Variants in EXTL3 observed in about 807,000 individuals in gnomAD.
EXTL3 encodes the protein exostosin-like 3.
EXTL3 carries 27 observed loss-of-function variants against 69.3 expected under a neutral mutation model. The ratio of observed to expected loss-of-function variants is 0.39; its 90% CI spans 0.29 to 0.54. The LOEUF is 0.54. EXTL3 is among the 20% of genes least tolerant of loss of function. The pLI is 0.69. For synonymous variants in EXTL3, 511 were observed against 499.4 expected, an observed-to-expected ratio of 1.02 and a Z score of -0.31; for missense variants, 1,003 against 1,231.8, an observed-to-expected ratio of 0.81 and a Z score of 2.78.
At chr8:28,657,488 AT>A (rs916327039) in intron 1 of EXTL3, among the ~76,000 whole-genome samples, 4 of 152,114 alleles carry the variant, frequency 2.6e-5, no homozygotes, top group Non-Finnish European at 5.9e-5. Flanking sequence ...TTATGGGAAC[AT>A]TTTTTTTATT....
At chr8:28,673,674 T>C (rs1053980158) in intron 1 of EXTL3, among the ~76,000 whole-genome samples, 1 of 152,188 alleles carries the variant, frequency 6.6e-6, no homozygotes, top group Non-Finnish European at 1.5e-5. Context: ...TCATTGTGTC[T>C]TTGAGAGTGT....
At chr8:28,639,089 C>T (rs1347437574) in intron 1 of EXTL3, among the ~76,000 whole-genome samples, 5 of 151,958 alleles carry the variant, frequency 3.3e-5, no homozygotes, top group African/African-American at 1.2e-4. Flanking sequence ...AGGCGCCCAC[C>T]ACCACACCTG....
intron 1 of EXTL3, among the ~76,000 whole-genome samples, chr8:28,686,347 A>AG (rs200210170): frequency 0.013 from 1,965 of 151,552 alleles, 48 homozygotes; most frequent in African/African-American, 0.045. Flanking sequence ...AAAAAAAAAA[A>AG]GAAAAGAAAA....
chr8:28,755,811 T>A (rs1436550716), downstream of EXTL3, among the ~76,000 whole-genome samples: 2 of 152,212 alleles, frequency 1.3e-5, no homozygotes, highest in Non-Finnish European at 2.9e-5. Flanking sequence ...GCATTGAAAC[T>A]ACTTACATTC....
chr8:28,642,099 T>G (rs1463010921), intron 1 of EXTL3, among the ~76,000 whole-genome samples: 3 of 151,852 alleles, frequency 2.0e-5, no homozygotes, highest in Admixed American at 2.0e-4. Flanking sequence ...CCTCCCAAAG[T>G]GCTGGGATTA....
chr8:28,743,422 C>T (rs546255200), intron 6 of EXTL3, among the ~76,000 whole-genome samples: 35 of 152,250 alleles, frequency 2.3e-4, no homozygotes, highest in African/African-American at 8.2e-4. Context: ...GGATAGAAAT[C>T]AGAAGGTTTG....
At chr8:28,715,241 T>C (rs1469852156) in intron 2 of EXTL3, among the ~76,000 whole-genome samples, 3 of 152,198 alleles carry the variant, frequency 2.0e-5, no homozygotes, top group Non-Finnish European at 2.9e-5. Flanking sequence ...GATGCCCAGG[T>C]GTGGAACAGG....
At chr8:28,677,297 T>TC in intron 1 of EXTL3, among the ~76,000 whole-genome samples, 1 of 152,212 alleles carries the variant, frequency 6.6e-6, no homozygotes, top group East Asian at 1.9e-4. Context: ...CCTTTTATTA[T>TC]TTTTTTAAAA....
intron 3 of EXTL3, 49 bp from the exon 4 acceptor site, chr8:28,731,174 C>T (rs1801530212): frequency 1.2e-6 from 2 of 1,613,486 alleles, no homozygotes; most frequent in East Asian, 4.5e-5. Flanking sequence ...TTTGTTTGGC[C>T]TTTCATAACA....
chr8:28,717,577 G>T lies in EXTL3; in HGVS notation c.1518G>T (p.Leu506=). The T allele has an allele frequency of 6.2e-7, 1 of 1,614,262 alleles. No individual in the cohort carries two copies. Among genetic ancestry groups the T allele is most frequent in the Non-Finnish European group, 8.5e-7 (1 of 1,180,046 alleles). The part of the protein sequence containing the change: ...LLRSLSDSDL[L]AMRRQGRFLW... ...GAAGCCTCTCCGATAGTGACCTCCT[G>T]GCTATGAGGCGGCAAGGCCGCTTTC... The change falls in exon 3 of 7, where the codon CTG becomes CTT. Residue 506 remains leucine (L), a synonymous_variant. Transcript: ENST00000220562. The surrounding 1 kb of genome is among the most constrained non-coding windows in gnomAD (Gnocchi z 8.3).
chr8:28,643,453 C>T (rs138683938), intron 1 of EXTL3, among the ~76,000 whole-genome samples: 125 of 145,880 alleles, frequency 8.6e-4, no homozygotes, highest in African/African-American at 2.8e-3. Context: ...CTCGCTCTTT[C>T]GCCCAGGCCG....
At chr8:28,622,469 A>T (rs1585217864), upstream of EXTL3, among the ~76,000 whole-genome samples, 1 of 151,202 alleles carries the variant, frequency 6.6e-6, no homozygotes, top group Admixed American at 6.6e-5. Context: ...ACAGTCTTGA[A>T]CCCAGCTGCG....
chr8:28,673,220 G>A (rs966396453), intron 1 of EXTL3, among the ~76,000 whole-genome samples: 1 of 152,140 alleles, frequency 6.6e-6, no homozygotes, highest in African/African-American at 2.4e-5. Context: ...TCACTGTGTG[G>A]TTGCTCAGTT....
chr8:28,666,269 C>T (rs1373383439), intron 1 of EXTL3, among the ~76,000 whole-genome samples: 5 of 150,866 alleles, frequency 3.3e-5, no homozygotes, highest in African/African-American at 1.2e-4. Context: ...CTTTTCTTTT[C>T]CTTCCTTCCT....
intron 1 of EXTL3, among the ~76,000 whole-genome samples, chr8:28,631,115 A>G (rs1806565095): frequency 1.3e-5 from 2 of 151,682 alleles, no homozygotes; most frequent in Admixed American, 1.3e-4. Context: ...TAGTAAGAGA[A>G]AGTACACAGA....
chr8:28,729,595 C>CAAAAAAA (rs567929424), intron 3 of EXTL3, among the ~76,000 whole-genome samples: 3 of 33,236 alleles, frequency 9.0e-5, no homozygotes, highest in East Asian at 1.4e-3. Context: ...GACTCCATCT[C>CAAAAAAA]AAAAAAAAAA....
chr8:28,644,029 G>T (rs776461306), intron 1 of EXTL3, among the ~76,000 whole-genome samples: 1 of 152,046 alleles, frequency 6.6e-6, no homozygotes, highest in Non-Finnish European at 1.5e-5. Flanking sequence ...TTCCCAAAAT[G>T]CTGGGATTAT....
At chr8:28,689,023 C>T (rs992894661) in intron 1 of EXTL3, among the ~76,000 whole-genome samples, 1 of 152,226 alleles carries the variant, frequency 6.6e-6, no homozygotes, top group African/African-American at 2.4e-5. Flanking sequence ...CTGTGAATTC[C>T]TGGAAGCTCT....
intron 1 of EXTL3, among the ~76,000 whole-genome samples, chr8:28,691,169 C>G (rs149348879): frequency 6.6e-6 from 1 of 152,114 alleles, no homozygotes; most frequent in Non-Finnish European, 1.5e-5. Context: ...AAAAAGCTGC[C>G]GTTGACCACC....
Sources: allele counts gnomAD v4.1 joint callset (sites outside exome capture counted in the v4.1 genomes callset), GRCh38; gene constraint gnomAD v4.1.1; non-coding constraint Gnocchi (gnomAD v3.1); transcripts MANE v1.5; gene names NCBI Gene and HGNC (gene_info 2026-07-23, HGNC 2026-07-21).